The following STXBP5L variants were observed in gnomAD, a reference collection of about 807,000 sequenced individuals.
STXBP5L encodes syntaxin binding protein 5L.
Under a neutral mutation model 144.5 loss-of-function variants are expected in STXBP5L, and 65 were observed. The observed-to-expected ratio is 0.45, with a 90% CI of 0.37 to 0.55. The LOEUF is 0.55. Among genes scored for constraint, STXBP5L ranks in the 20% least tolerant of loss-of-function variants. The pLI, the probability that STXBP5L is intolerant of heterozygous loss-of-function variation, is 0.00. For missense variants in STXBP5L, 1,298 were observed against 1,405.5 expected (o/e 0.92, Z 1.22); for synonymous variants, 505 against 469.6 (o/e 1.08, Z -0.97).
intron 3 of STXBP5L, among the ~76,000 whole-genome samples, chr3:121,034,621 C>T (rs1382284547): frequency 1.3e-5 from 2 of 151,986 alleles, no homozygotes; most frequent in East Asian, 1.9e-4. Context: ...TCGAACCATC[C>T]ATTAATGGAC....
intron 9 of STXBP5L, among the ~76,000 whole-genome samples, chr3:121,189,268 T>C (rs2047532046): frequency 6.6e-6 from 1 of 152,236 alleles, no homozygotes; most frequent in Admixed American, 6.5e-5. Context: ...GCCATTGCTT[T>C]TGGTGTTTTA....
intron 9 of STXBP5L, among the ~76,000 whole-genome samples, chr3:121,159,682 T>C (rs1264922892): frequency 6.7e-6 from 1 of 148,340 alleles, no homozygotes. Context: ...CAGGCTGGAC[T>C]GCAGTGGCGC....
intron 2 of STXBP5L, among the ~76,000 whole-genome samples, chr3:120,925,652 A>G (rs922478872): frequency 6.6e-6 from 1 of 152,174 alleles, no homozygotes; most frequent in African/African-American, 2.4e-5. Flanking sequence ...ATAATTATTG[A>G]TAAGTAAGGA....
intron 22 of STXBP5L, among the ~76,000 whole-genome samples, chr3:121,385,236 T>C (rs901499056): frequency 6.6e-6 from 1 of 152,130 alleles, no homozygotes; most frequent in African/African-American, 2.4e-5. Flanking sequence ...GGAATCATGG[T>C]GCTGACATTT....
chr3:121,212,594 G>C (rs1258087793), intron 10 of STXBP5L, among the ~76,000 whole-genome samples: 1 of 149,624 alleles, frequency 6.7e-6, no homozygotes, highest in Admixed American at 6.7e-5. Context: ...GATACCAGAA[G>C]CATGCTGTTT....
At chr3:121,109,617 T>G (rs149161258) in intron 5 of STXBP5L, among the ~76,000 whole-genome samples, 1 of 152,196 alleles carries the variant, frequency 6.6e-6, no homozygotes, top group African/African-American at 2.4e-5. Flanking sequence ...TTGTATTTGC[T>G]GAGGAACGTT....
intron 9 of STXBP5L, among the ~76,000 whole-genome samples, chr3:121,187,901 C>T (rs2047466824): frequency 6.6e-6 from 1 of 151,984 alleles, no homozygotes; most frequent in Non-Finnish European, 1.5e-5. Context: ...ATCCTACTCT[C>T]TGATAAAACA....
chr3:120,952,050 C>G (rs1221706836), intron 2 of STXBP5L, among the ~76,000 whole-genome samples: 1 of 149,140 alleles, frequency 6.7e-6, no homozygotes, highest in Non-Finnish European at 1.5e-5. Context: ...TAAACTATCG[C>G]AAGAACAAAA....
chr3:121,279,151 G>A (rs1242437766), intron 18 of STXBP5L, among the ~76,000 whole-genome samples: 2 of 151,762 alleles, frequency 1.3e-5, no homozygotes, highest in Non-Finnish European at 2.9e-5. Flanking sequence ...ATGCCTAATG[G>A]TTAAGATAAT....
chr3:121,397,517 G>T (rs1452807921), intron 22 of STXBP5L, among the ~76,000 whole-genome samples: 1 of 152,134 alleles, frequency 6.6e-6, no homozygotes, highest in Non-Finnish European at 1.5e-5. Context: ...CATTTTAAAG[G>T]TATAGGTTCT....
intron 9 of STXBP5L, among the ~76,000 whole-genome samples, chr3:121,196,454 G>A (rs1219852459): frequency 6.6e-6 from 1 of 151,910 alleles, no homozygotes; most frequent in Non-Finnish European, 1.5e-5. Context: ...AATTCTCCCA[G>A]TCCATAAAAA....
chr3:121,189,416 A>T (rs533533579), intron 9 of STXBP5L, among the ~76,000 whole-genome samples: 6 of 152,314 alleles, frequency 3.9e-5, no homozygotes, highest in Non-Finnish European at 7.3e-5. Context: ...TAAGGAAGGG[A>T]TCCAGTTTCA....
chr3:120,969,115 A>G (rs866257765), intron 3 of STXBP5L, among the ~76,000 whole-genome samples: 1 of 152,096 alleles, frequency 6.6e-6, no homozygotes, highest in Non-Finnish European at 1.5e-5. Flanking sequence ...AGGAACGTCT[A>G]TACTGTTTTC....
intron 3 of STXBP5L, among the ~76,000 whole-genome samples, chr3:121,032,495 C>T (rs375899091): frequency 6.6e-6 from 1 of 151,832 alleles, no homozygotes; most frequent in Non-Finnish European, 1.5e-5. Context: ...CATTACCATT[C>T]AGGACATAGG....
At chr3:121,314,701 T>C (rs1467238992) in intron 19 of STXBP5L, among the ~76,000 whole-genome samples, 1 of 151,924 alleles carries the variant, frequency 6.6e-6, no homozygotes, top group Non-Finnish European at 1.5e-5. Context: ...ACAGGCAACC[T>C]ACAAAATGGG....
rs529066394 is a variant in STXBP5L, at chr3:121,415,061, G to A, written c.3115-796G>A. ...GAGGAAGAGCACAGGTCTCAGTAGA[G>A]GTAAAGGGAGATGATGCAATTAAAA... On this transcript the variant is annotated intron_variant, in intron 24 of 26. Coordinates refer to ENST00000471454, the MANE Select transcript of STXBP5L (RefSeq NM_001308330.2). Among the ~76,000 whole-genome samples the A allele has an allele frequency of 5.3e-5, 8 of 152,188 alleles. 1 individual carries two copies. In the South Asian group the frequency reaches 1.7e-3, roughly 32 times the overall value.
At chr3:121,078,122 C>G (rs1466897153) in intron 5 of STXBP5L, among the ~76,000 whole-genome samples, 1 of 150,890 alleles carries the variant, frequency 6.6e-6, no homozygotes, top group Non-Finnish European at 1.5e-5. Context: ...CAAGTCCCCA[C>G]CAGAGGAGCT....
intron 3 of STXBP5L, among the ~76,000 whole-genome samples, chr3:120,958,293 G>C (rs1457101524): frequency 6.6e-6 from 1 of 152,086 alleles, no homozygotes; most frequent in Non-Finnish European, 1.5e-5. Context: ...AAAAGTCCAG[G>C]ACCAGATGGA....
intron 22 of STXBP5L, among the ~76,000 whole-genome samples, chr3:121,397,519 A>G (rs946833377): frequency 3.9e-5 from 6 of 152,160 alleles, no homozygotes; most frequent in South Asian, 2.1e-4. Context: ...TTTTAAAGGT[A>G]TAGGTTCTGG....
Sources: allele counts gnomAD v4.1 joint callset (sites outside exome capture counted in the v4.1 genomes callset), GRCh38; gene constraint gnomAD v4.1.1; transcripts MANE v1.5; gene names NCBI Gene and HGNC (gene_info 2026-07-23, HGNC 2026-07-21).